MAGI1: variants seen among roughly 807,000 people sequenced by gnomAD.
MAGI1 encodes membrane-associated guanylate kinase, WW and PDZ domain-containing protein 1.
A neutral mutation model predicts 139.9 loss-of-function variants in MAGI1; 58 were observed. The ratio of observed to expected loss-of-function variants is 0.41; its 90% CI spans 0.34 to 0.52. MAGI1 has a LOEUF of 0.52. MAGI1 is among the 20% of genes least tolerant of loss of function. The probability of loss-of-function intolerance (pLI) is 0.12; values close to 1 mark genes in which losing one functional copy is unlikely to be tolerated. For missense variants in MAGI1, 1,874 were observed against 1,901.6 expected, an observed-to-expected ratio of 0.99 and a Z score of 0.27; for synonymous variants, 812 against 737.9, an observed-to-expected ratio of 1.10 and a Z score of -1.63.
At chr3:65,879,517 T>C (rs1378715416) in intron 1 of MAGI1, among the ~76,000 whole-genome samples, 2 of 152,174 alleles carry the variant, frequency 1.3e-5, no homozygotes, top group African/African-American at 4.8e-5. Context: ...TCACATATTA[T>C]AACAACCTTG....
At chr3:65,387,005 G>C in intron 14 of MAGI1, 1 of 681,744 alleles carries the variant, frequency 1.5e-6, no homozygotes, top group South Asian at 1.9e-5. Context: ...TGGTCAACAA[G>C]AGCTCCAAAG....
intron 1 of MAGI1, among the ~76,000 whole-genome samples, chr3:65,648,909 G>A (rs948830274): frequency 1.3e-5 from 2 of 152,100 alleles, no homozygotes; most frequent in African/African-American, 2.4e-5. Flanking sequence ...ATTCAAATAT[G>A]CCCAACTGAT....
rs565699302 is a variant in MAGI1 at position 65,917,102 on chromosome 3, A to G, written c.313+120894T>C. ...AGACATTTCCACCTTCTTACACATA[A>G]AGAGAGAAACATCTAGAAAGATACA... is the stretch of plus-strand genomic sequence containing the variant. On this transcript the variant is annotated intron_variant, in intron 1 of 22. Coordinates refer to ENST00000402939, the MANE Select transcript of MAGI1 (RefSeq NM_001033057.2). Among the ~76,000 whole-genome samples the G allele has an allele frequency of 2.0e-5, 3 of 152,332 alleles. No individual in the cohort carries two copies. In the East Asian group the frequency reaches 5.8e-4, roughly 29 times the overall value.
Position 65,389,797 on chromosome 3 carries a change from G to C in MAGI1, c.2416+1345C>G, listed in dbSNP as rs142904443. Among the ~76,000 whole-genome samples the C allele has an allele frequency of 7.0e-3, 1,064 of 152,338 alleles. 8 individuals are homozygous for C. The highest frequency in any genetic ancestry group is 0.013 in the South Asian group (61 of 4,830). ...CAAATTAGTGGGCTTTTTGTCAGCAGAGTGAACTTGTAGCCAAAACAGCCT... is the reference window on the plus strand; with the variant it reads ...CAAATTAGTGGGCTTTTTGTCAGCACAGTGAACTTGTAGCCAAAACAGCCT... On this transcript the variant is annotated intron_variant, in intron 14 of 22. Transcript: ENST00000402939.
chr3:65,605,771 G>C (rs181351633), intron 2 of MAGI1, among the ~76,000 whole-genome samples: 4 of 152,242 alleles, frequency 2.6e-5, no homozygotes, highest in Admixed American at 2.6e-4. Flanking sequence ...AGGTTCAATG[G>C]TAGATTACTT....
At chr3:65,849,443 G>A (rs1259368600) in intron 1 of MAGI1, among the ~76,000 whole-genome samples, 2 of 148,082 alleles carry the variant, frequency 1.4e-5, no homozygotes, top group East Asian at 2.0e-4. Context: ...TGCTGCACAA[G>A]TATCCTAAGC....
chr3:65,809,746 G>T (rs1394335790), intron 1 of MAGI1, among the ~76,000 whole-genome samples: 2 of 152,150 alleles, frequency 1.3e-5, no homozygotes, highest in Non-Finnish European at 2.9e-5. Context: ...GAAGGGAAAT[G>T]GATATTATGC....
chr3:65,566,748 C>T (rs2080673971), intron 2 of MAGI1, among the ~76,000 whole-genome samples: 1 of 152,170 alleles, frequency 6.6e-6, no homozygotes, highest in Admixed American at 6.5e-5. Flanking sequence ...GGCATTGCTT[C>T]TGAAAGCAGA....
At chr3:65,934,205 A>G (rs147662461) in intron 1 of MAGI1, among the ~76,000 whole-genome samples, 19 of 152,246 alleles carry the variant, frequency 1.2e-4, no homozygotes, top group African/African-American at 4.1e-4. Context: ...GCACAAGAAT[A>G]ATTAGAGGGT....
intron 1 of MAGI1, among the ~76,000 whole-genome samples, chr3:65,736,391 C>T (rs2107758579): frequency 6.6e-6 from 1 of 152,216 alleles, no homozygotes; most frequent in South Asian, 2.1e-4. Flanking sequence ...CATATATATA[C>T]AGATATATAA....
At chr3:65,760,210 C>G (rs376603769) in intron 1 of MAGI1, among the ~76,000 whole-genome samples, 1 of 151,780 alleles carries the variant, frequency 6.6e-6, no homozygotes, top group East Asian at 1.9e-4. Flanking sequence ...AGCTCTATGT[C>G]TAGCTCACAG....
At chr3:65,918,156 A>T (rs2061996915) in intron 1 of MAGI1, among the ~76,000 whole-genome samples, 1 of 152,132 alleles carries the variant, frequency 6.6e-6, no homozygotes, top group African/African-American at 2.4e-5. Context: ...TTTTACAGTT[A>T]CAAAGAGAAT....
intron 1 of MAGI1, among the ~76,000 whole-genome samples, chr3:65,861,416 A>G (rs2059552522): frequency 6.6e-6 from 1 of 152,160 alleles, no homozygotes; most frequent in South Asian, 2.1e-4. Flanking sequence ...TGGAGTTTGC[A>G]ATCCCTGTTT....
intron 12 of MAGI1, among the ~76,000 whole-genome samples, chr3:65,416,377 G>T (rs187967698): frequency 3.3e-5 from 5 of 152,202 alleles, no homozygotes; most frequent in African/African-American, 4.8e-5. Flanking sequence ...AGTGGAAAAG[G>T]ACCTTTAAAC....
chr3:65,892,682 T>C (rs1440816010), intron 1 of MAGI1, among the ~76,000 whole-genome samples: 3 of 152,180 alleles, frequency 2.0e-5, no homozygotes, highest in Non-Finnish European at 4.4e-5. Context: ...ACAGTAAGAC[T>C]TACCTGGGGC....
At chr3:65,984,812 T>G (rs1438159819) in intron 1 of MAGI1, among the ~76,000 whole-genome samples, 1 of 150,882 alleles carries the variant, frequency 6.6e-6, no homozygotes, top group Non-Finnish European at 1.5e-5. Flanking sequence ...CGTCCCAAAG[T>G]GTTAGGATTT....
chr3:65,936,829 T>A (rs533727663), intron 1 of MAGI1, among the ~76,000 whole-genome samples: 2 of 152,158 alleles, frequency 1.3e-5, no homozygotes, highest in South Asian at 4.2e-4. Flanking sequence ...ACTCCTGGAC[T>A]CAAGCAATCC....
At chr3:65,815,792 A>C (rs1422738306) in intron 1 of MAGI1, among the ~76,000 whole-genome samples, 2 of 152,080 alleles carry the variant, frequency 1.3e-5, no homozygotes, top group African/African-American at 4.8e-5. Context: ...CACTTGTTTC[A>C]AGGCAGGTAC....
chr3:65,585,294 C>G (rs541046261), intron 2 of MAGI1, among the ~76,000 whole-genome samples: 3 of 152,314 alleles, frequency 2.0e-5, no homozygotes, highest in East Asian at 1.9e-4. Flanking sequence ...GACTGACTGA[C>G]AGCTTGTGCA....
Sources: gnomAD v4.1 joint callset for allele counts (sites outside exome capture counted in the v4.1 genomes callset) on GRCh38, gnomAD v4.1.1 for gene constraint, MANE v1.5 for transcripts, NCBI Gene and HGNC (gene_info 2026-07-23, HGNC 2026-07-21) for gene names.